DOK6: variants seen among roughly 807,000 people sequenced by gnomAD.
The protein encoded by DOK6 is docking protein 6.
DOK6 carries 22 observed loss-of-function variants against 44.0 expected under a neutral mutation model. That is an observed-to-expected ratio of 0.50 (90% confidence interval 0.36 to 0.71). The LOEUF is 0.71. DOK6 is among the 30% of genes least tolerant of loss of function. The probability of loss-of-function intolerance (pLI) is 0.00; values close to 1 mark genes in which losing one functional copy is unlikely to be tolerated. For missense variants in DOK6, 340 were observed against 416.4 expected, an observed-to-expected ratio of 0.82 and a Z score of 1.60; for synonymous variants, 166 against 145.5, an observed-to-expected ratio of 1.14 and a Z score of -1.01.
chr18:69,429,943 T>G (rs920190627), intron 1 of DOK6, among the ~76,000 whole-genome samples: 3 of 152,036 alleles, frequency 2.0e-5, no homozygotes, highest in African/African-American at 7.2e-5. Context: ...AAATTAGCCG[T>G]TTTTATCTAA....
chr18:69,718,587 A>C (rs1190977602), intron 5 of DOK6, among the ~76,000 whole-genome samples: 1 of 152,216 alleles, frequency 6.6e-6, no homozygotes, highest in Non-Finnish European at 1.5e-5. Context: ...GCCCCTATTT[A>C]GCTTAAAAAA....
intron 1 of DOK6, among the ~76,000 whole-genome samples, chr18:69,526,699 T>C (rs1178889978): frequency 6.6e-6 from 1 of 152,204 alleles, no homozygotes; most frequent in Non-Finnish European, 1.5e-5. Context: ...AGAACATACT[T>C]AGTGTGATTT....
intron 7 of DOK6, among the ~76,000 whole-genome samples, chr18:69,802,823 A>G (rs1002602355): frequency 6.6e-6 from 1 of 152,192 alleles, no homozygotes; most frequent in Non-Finnish European, 1.5e-5. Flanking sequence ...ATGTGAGCCA[A>G]CTAAACCTCT....
Position 69,528,438 on chromosome 18 carries a change from G to A in DOK6, c.67-36049G>A, listed in dbSNP as rs140695677. 3.1e-4 allele frequency among the ~76,000 whole-genome samples: 47 copies of A among 152,260 alleles called. No individual in the cohort carries two copies. The East Asian group carries it at 5.4e-3, about 18-fold the overall frequency. On this transcript the variant is annotated intron_variant, in intron 1 of 7. Transcript: ENST00000382713. ...TTAACTCCCCAGTAGGTTTTAATGC[G>A]TATTTCACTTTAGAATAAGGGTGAA...
intron 7 of DOK6, among the ~76,000 whole-genome samples, chr18:69,775,191 T>G (rs1980024411): frequency 6.6e-6 from 1 of 151,994 alleles, no homozygotes; most frequent in African/African-American, 2.4e-5. Context: ...GAATAAATAC[T>G]AAATTGATTC....
chr18:69,581,091 T>C (rs555992423), intron 2 of DOK6, among the ~76,000 whole-genome samples: 3 of 152,354 alleles, frequency 2.0e-5, no homozygotes, highest in African/African-American at 7.2e-5. Flanking sequence ...ACTTTCTTTA[T>C]CCATTCATTT....
chr18:69,684,373 T>G (rs1986104891), intron 4 of DOK6, among the ~76,000 whole-genome samples: 1 of 152,192 alleles, frequency 6.6e-6, no homozygotes, highest in Non-Finnish European at 1.5e-5. Context: ...ACTGTACTGT[T>G]ATAAAGGAGA....
intron 3 of DOK6, chr18:69,647,649 C>T (rs948632439): frequency 6.6e-6 from 1 of 152,226 alleles, no homozygotes; most frequent in African/African-American, 2.4e-5. Flanking sequence ...TCTGCCCAAG[C>T]ACTCCCCACT....
intron 2 of DOK6, among the ~76,000 whole-genome samples, chr18:69,587,204 T>C (rs1983523643): frequency 6.6e-6 from 1 of 152,166 alleles, no homozygotes; most frequent in Admixed American, 6.5e-5. Flanking sequence ...ATTTATTCTC[T>C]TACAGTTCTG....
chr18:69,456,291 T>C (rs1979631641), intron 1 of DOK6, among the ~76,000 whole-genome samples: 1 of 152,084 alleles, frequency 6.6e-6, no homozygotes, highest in Non-Finnish European at 1.5e-5. Flanking sequence ...CAATAGGTAA[T>C]TTTTCAACCC....
chr18:69,689,797 T>G (rs1389405131), intron 4 of DOK6, among the ~76,000 whole-genome samples: 2 of 152,154 alleles, frequency 1.3e-5, no homozygotes, highest in Non-Finnish European at 2.9e-5. Context: ...TGCATCTTAA[T>G]TTACATTAGA....
intron 1 of DOK6, among the ~76,000 whole-genome samples, chr18:69,411,594 C>A: frequency 6.6e-6 from 1 of 152,262 alleles, no homozygotes; most frequent in South Asian, 2.1e-4. Context: ...TGATTAGTCT[C>A]TTTTCTTCTG....
intron 7 of DOK6, among the ~76,000 whole-genome samples, chr18:69,765,900 CTAT>C (rs1355496657): frequency 6.6e-6 from 1 of 152,018 alleles, no homozygotes; most frequent in Non-Finnish European, 1.5e-5. Context: ...TAATTATTAA[CTAT>C]TATTAATATA....
intron 7 of DOK6, among the ~76,000 whole-genome samples, chr18:69,779,512 G>A (rs1980189068): frequency 6.6e-6 from 1 of 151,482 alleles, no homozygotes; most frequent in Non-Finnish European, 1.5e-5. Flanking sequence ...TGTCAGTGTT[G>A]TTATGCTTGC....
At chr18:69,582,439 A>C (rs1250236259) in intron 2 of DOK6, among the ~76,000 whole-genome samples, 1 of 151,736 alleles carries the variant, frequency 6.6e-6, no homozygotes, top group Middle Eastern at 3.2e-3. Flanking sequence ...GGTTGGTCTC[A>C]GGTTTAGGAA....
intron 1 of DOK6, among the ~76,000 whole-genome samples, chr18:69,467,503 A>G (rs1430919369): frequency 1.3e-5 from 2 of 152,170 alleles, no homozygotes; most frequent in Non-Finnish European, 2.9e-5. Flanking sequence ...TTTATGTGAA[A>G]CATAGTTTAT....
chr18:69,664,937 G>T (rs1259279856), intron 3 of DOK6, among the ~76,000 whole-genome samples: 2 of 152,132 alleles, frequency 1.3e-5, no homozygotes, highest in Admixed American at 6.5e-5. Flanking sequence ...CCAGCACTTT[G>T]GGGGGCCAAG....
rs910069811 is a variant in DOK6, at chr18:69,572,155, T to G, written c.174+7561T>G. On this transcript the variant is annotated intron_variant, in intron 2 of 7. Transcript: ENST00000382713. ...ATAGATATCACAAAAGCAAATATTC[T>G]AAACTGAAAGATAGCAAAAATAGAT... 2.0e-5 allele frequency among the ~76,000 whole-genome samples: 3 copies of G among 152,236 alleles called. No homozygotes were observed. In the South Asian group the frequency reaches 6.2e-4, roughly 32 times the overall value.
chr18:69,684,404 T>C (rs1474705638), intron 4 of DOK6, among the ~76,000 whole-genome samples: 2 of 152,198 alleles, frequency 1.3e-5, no homozygotes, highest in African/African-American at 2.4e-5. Flanking sequence ...AAGAAATACC[T>C]TGAAGCACCA....
Sources: gnomAD v4.1 joint callset for allele counts (sites outside exome capture counted in the v4.1 genomes callset) on GRCh38, gnomAD v4.1.1 for gene constraint, MANE v1.5 for transcripts, NCBI Gene and HGNC (gene_info 2026-07-23, HGNC 2026-07-21) for gene names.